LARP1B: variants seen among roughly 807,000 people sequenced by gnomAD.
The protein encoded by LARP1B is La ribonucleoprotein 1B.
In LARP1B, 76 loss-of-function variants were observed where a neutral mutation model predicts 114.2. The observed-to-expected ratio is 0.67, with a 90% CI of 0.55 to 0.81. The LOEUF (loss-of-function observed/expected upper bound fraction) is 0.81, where lower values mean the gene tolerates loss of function less well. LARP1B is among the 30% of genes least tolerant of loss of function. The pLI is 0.00. For synonymous variants in LARP1B, 345 were observed against 348.0 expected (o/e 0.99, Z 0.10); for missense variants, 1,014 against 1,075.8 (o/e 0.94, Z 0.80).
intron 13 of LARP1B, among the ~76,000 whole-genome samples, chr4:128,177,382 C>T (rs965472159): frequency 7.9e-5 from 12 of 151,816 alleles, no homozygotes; most frequent in Non-Finnish European, 1.6e-4. Flanking sequence ...CAAAAAAAGT[C>T]GATAAGTCTG....
At chr4:128,139,483 C>T (rs1205799836) in intron 11 of LARP1B, among the ~76,000 whole-genome samples, 1 of 151,934 alleles carries the variant, frequency 6.6e-6, no homozygotes, top group Non-Finnish European at 1.5e-5. Context: ...TGAATGGCCA[C>T]TGCACTCCAG....
At chr4:128,206,897 G>A in intron 18 of LARP1B, 7 of 918,390 alleles carry the variant, frequency 7.6e-6, no homozygotes, top group Non-Finnish European at 9.1e-6. Context: ...CTCTGGGACA[G>A]ACTGCTAGGT....
At position 128,139,736 on chromosome 4, in the gene LARP1B, A is replaced by C. The variant is rs140174652; in HGVS notation, c.1524+17548A>C. Among the ~76,000 whole-genome samples the C allele has an allele frequency of 7.6e-3, 1,152 of 152,322 alleles. 10 individuals are homozygous for C. The highest frequency in any genetic ancestry group is 9.2e-3 in the Non-Finnish European group (626 of 68,018). On this transcript the variant is annotated intron_variant, in intron 11 of 19. Transcript: ENST00000326639. ...TTTTACAAAAGAAGAAGTCTAAATG[A>C]CTGAGAACATGAAAAGATGTTCAAC...
chr4:128,078,137 T>C (rs963047193), intron 4 of LARP1B, among the ~76,000 whole-genome samples, 175 bp downstream of exon 4: 7 of 152,192 alleles, frequency 4.6e-5, no homozygotes, highest in African/African-American at 1.7e-4. Flanking sequence ...ACTATTAGAC[T>C]TTCCTTTTTG....
At chr4:128,128,031 G>T (rs1028886177) in intron 11 of LARP1B, among the ~76,000 whole-genome samples, 2 of 152,132 alleles carry the variant, frequency 1.3e-5, no homozygotes, top group African/African-American at 4.8e-5. Flanking sequence ...AGTATGGAAA[G>T]AATAGTTGTT....
At chr4:128,109,222 A>G (rs921204098) in intron 9 of LARP1B, among the ~76,000 whole-genome samples, 1 of 152,178 alleles carries the variant, frequency 6.6e-6, no homozygotes, top group African/African-American at 2.4e-5. Context: ...AAAAATTTGA[A>G]GTGGAAATAG....
At position 128,107,298 on chromosome 4, in the gene LARP1B, T is replaced by C. The variant is rs1417598943; in HGVS notation, c.973T>C (p.Phe325Leu). The C allele has an allele frequency of 1.2e-6, 2 of 1,614,004 alleles. No homozygotes were observed. The highest frequency in any genetic ancestry group is 1.7e-6 in the Non-Finnish European group (2 of 1,179,992). The change falls in exon 9 of 20, where the codon TTT becomes CTT. Residue 325 changes from phenylalanine to leucine, a missense_variant. Physicochemically the swap from Phe to Leu is conservative, Grantham distance 22. Transcript: ENST00000326639. ...TCCAGAGTTTGTACCAGGCCAAGCC[T>C]TTTGCTCACATACAGGTAACATCTT... ...DCPEFVPGQAFCSHTESAPNS... is the reference protein window; with the variant it reads ...DCPEFVPGQALCSHTESAPNS...
chr4:128,094,378 T>C (rs2149615927), intron 7 of LARP1B, among the ~76,000 whole-genome samples: 1 of 151,856 alleles, frequency 6.6e-6, no homozygotes, highest in South Asian at 2.1e-4. Flanking sequence ...TAGAGGTTTT[T>C]TCCTTTTTTC....
chr4:128,115,665 T>G (rs1785537492), intron 10 of LARP1B, among the ~76,000 whole-genome samples: 1 of 152,258 alleles, frequency 6.6e-6, no homozygotes, highest in Non-Finnish European at 1.5e-5. Context: ...ATATGACTTT[T>G]ATTTTTTGAG....
rs952024151 is a variant in LARP1B, at chr4:128,136,329, CAAAA to C, written c.1524+14145_1524+14148del. ...AACAGTCTCAAGAAAAACAAAAAAA[CAAAA>C]AAACAAAACAAAAAACAAAAAACAA... On this transcript the variant is annotated intron_variant, in intron 11 of 19. Coordinates refer to ENST00000326639, the MANE Select transcript of LARP1B (RefSeq NM_018078.4). 9.6e-5 allele frequency among the ~76,000 whole-genome samples: 14 copies of C among 146,562 alleles called. No individual in the cohort carries two copies. In the South Asian group the frequency reaches 1.3e-3, roughly 14 times the overall value.
chr4:128,170,324 A>G (rs148821303), intron 12 of LARP1B, among the ~76,000 whole-genome samples: 103 of 152,328 alleles, frequency 6.8e-4, no homozygotes, highest in African/African-American at 2.2e-3. Context: ...ATTTTTGAGT[A>G]GAATGTTCCA....
chr4:128,131,565 TA>T (rs1791585145), intron 11 of LARP1B, among the ~76,000 whole-genome samples: 4 of 151,946 alleles, frequency 2.6e-5, no homozygotes, highest in Admixed American at 2.6e-4. Context: ...CGTAAAGATA[TA>T]AACTAGGCAG....
At position 128,107,401 on chromosome 4, in the gene LARP1B, A is replaced by C; in HGVS notation, c.988+88A>C. 4 of 1,532,850 alleles carry C rather than the reference A, an allele frequency of 2.6e-6. No individual in the cohort carries two copies. The South Asian group carries it at 4.9e-5, about 19-fold the overall frequency. 95.0% of individuals were successfully genotyped at this position (1,532,850 alleles called of 1,614,324 possible). ...TTATTTATTTATTTTCAGTTTATTT[A>C]GATTTGATAGGAAAATTAAAGCTAA... is the stretch of plus-strand genomic sequence containing the variant. On this transcript the variant is annotated intron_variant, in intron 9 of 19. Coordinates refer to ENST00000326639, the MANE Select transcript of LARP1B (RefSeq NM_018078.4).
intron 11 of LARP1B, among the ~76,000 whole-genome samples, chr4:128,140,725 G>T (rs1437544179): frequency 6.6e-6 from 1 of 152,012 alleles, no homozygotes; most frequent in Admixed American, 6.6e-5. Context: ...AAGGGGGATG[G>T]GTAGTACAAA....
Position 128,116,014 on chromosome 4 carries a change from A to G in LARP1B, c.1161+1272A>G, listed in dbSNP as rs543216585. On this transcript the variant is annotated intron_variant, in intron 10 of 19. Transcript: ENST00000326639. The stretch of plus-strand genomic sequence containing the variant: ...CATGTTAATTATTTATAAGGTTTAT[A>G]TAAGTGTTGGTGATTTATATATCTG... 4.6e-5 allele frequency among the ~76,000 whole-genome samples: 7 copies of G among 152,362 alleles called. No individual in the cohort carries two copies. In the South Asian group the frequency reaches 1.2e-3, roughly 27 times the overall value.
chr4:128,065,247 CAATT>C (rs72083741), intron 1 of LARP1B, among the ~76,000 whole-genome samples: 20,310 of 120,210 alleles, frequency 0.17, 2,116 homozygotes, highest in Middle Eastern at 0.28. Context: ...TGTTCTCCCA[CAATT>C]AATTTCTTTC....
chr4:128,207,335 T>G lies in LARP1B; in HGVS notation c.2499T>G (p.Leu833=). 1 of 1,559,850 alleles carries G rather than the reference T, an allele frequency of 6.4e-7. No individual in the cohort carries two copies. The highest frequency in any genetic ancestry group is 8.7e-7 in the Non-Finnish European group (1 of 1,152,944). The change falls in exon 19 of 20, where the codon CTT becomes CTG. Residue 833 remains leucine (L), a synonymous_variant. Coordinates refer to ENST00000326639, the MANE Select transcript of LARP1B (RefSeq NM_018078.4). ...QSKTQSIDPK[L]QEYLCSFKRL... is the part of the protein sequence containing the mutation. ...AGACACAGTCTATTGACCCAAAACTTCAGGAATACCTCTGTAGTTTTAAGA... is the reference window on the plus strand; with the variant it reads ...AGACACAGTCTATTGACCCAAAACTGCAGGAATACCTCTGTAGTTTTAAGA...
intron 11 of LARP1B, among the ~76,000 whole-genome samples, chr4:128,146,079 C>T (rs1422107936): frequency 2.0e-5 from 3 of 152,192 alleles, no homozygotes; most frequent in Non-Finnish European, 4.4e-5. Flanking sequence ...TCCATTTCCA[C>T]ATGTACATAT....
intron 12 of LARP1B, among the ~76,000 whole-genome samples, chr4:128,163,272 C>G (rs1739308206): frequency 6.6e-6 from 1 of 152,066 alleles, no homozygotes; most frequent in African/African-American, 2.4e-5. Flanking sequence ...ATTGCATCCC[C>G]ATGGTTTCAT....
Sources: allele counts gnomAD v4.1 joint callset (sites outside exome capture counted in the v4.1 genomes callset), GRCh38; gene constraint gnomAD v4.1.1; transcripts MANE v1.5; gene names NCBI Gene and HGNC (gene_info 2026-07-23, HGNC 2026-07-21).